GBE1: variants seen among roughly 807,000 people sequenced by gnomAD.
GBE1 encodes the protein 1,4-alpha-glucan-branching enzyme.
In GBE1, 70 loss-of-function variants were observed where a neutral mutation model predicts 88.8. The ratio of observed to expected loss-of-function variants is 0.79; its 90% confidence interval spans 0.65 to 0.96. The LOEUF is 0.96. Among genes scored for constraint, GBE1 ranks in the 40% least tolerant of loss-of-function variants. The pLI is 0.00. For synonymous variants in GBE1, 284 were observed against 300.1 expected (o/e 0.95, Z 0.56); for missense variants, 872 against 871.0 (o/e 1.00, Z -0.01).
chr3:81,645,821 T>C (rs1359236289), intron 6 of GBE1, among the ~76,000 whole-genome samples: 1 of 152,218 alleles, frequency 6.6e-6, no homozygotes, highest in Non-Finnish European at 1.5e-5. Flanking sequence ...TGAATGATGA[T>C]GGGAGCAATG....
At position 81,657,031 on chromosome 3, in the gene GBE1, C is replaced by T. The variant is rs1704948248; in HGVS notation, c.430-7110G>A. On this transcript the variant is annotated intron_variant, in intron 3 of 15. Transcript: ENST00000429644. ...ATTAGCCAGGCGTGGTAGCAGGTGC[C>T]TGTAGTTCCAGCTACTCGGGAGGCT... Among the ~76,000 whole-genome samples, 6 of 150,870 alleles carry T rather than the reference C, an allele frequency of 4.0e-5. No homozygotes were observed. The South Asian group carries it at 1.3e-3, about 32-fold the overall frequency.
rs564720664 is a variant in GBE1, at chr3:81,598,895, T to C, written c.993-4872A>G. On this transcript the variant is annotated intron_variant, in intron 7 of 15. Coordinates refer to ENST00000429644, the MANE Select transcript of GBE1 (RefSeq NM_000158.4). ...TTCTTTTCAATATCACATAATTTTC[T>C]GGATTTTATTCTGTGCAACTTTATT... 1.4e-3 allele frequency among the ~76,000 whole-genome samples: 210 copies of C among 152,150 alleles called. 2 individuals carry two copies. The highest frequency in any genetic ancestry group is 1.3e-3 in the Non-Finnish European group (85 of 67,940).
At chr3:81,581,485 T>TTGTG (rs148901178) in intron 10 of GBE1, among the ~76,000 whole-genome samples, 13 of 150,532 alleles carry the variant, frequency 8.6e-5, no homozygotes, top group Admixed American at 1.3e-4. Flanking sequence ...TAGAGTGTGT[T>TTGTG]TGTGTGTGTG....
At chr3:81,609,734 T>C (rs772148261) in intron 7 of GBE1, among the ~76,000 whole-genome samples, 7 of 152,204 alleles carry the variant, frequency 4.6e-5, no homozygotes, top group Admixed American at 1.3e-4. Context: ...TTTTGATTTA[T>C]ACCTTTACAA....
chr3:81,740,155 T>C (rs1258439673), intron 1 of GBE1, among the ~76,000 whole-genome samples: 2 of 151,848 alleles, frequency 1.3e-5, no homozygotes, highest in African/African-American at 4.8e-5. Flanking sequence ...AGCCTAGGAG[T>C]TCAAGGCTGC....
At chr3:81,663,675 G>A (rs1475058170) in intron 3 of GBE1, among the ~76,000 whole-genome samples, 1 of 152,150 alleles carries the variant, frequency 6.6e-6, no homozygotes, top group Non-Finnish European at 1.5e-5. Flanking sequence ...GTTAACACAA[G>A]CAGCATATAG....
At chr3:81,525,181 A>G (rs557765241) in intron 14 of GBE1, among the ~76,000 whole-genome samples, 1 of 151,852 alleles carries the variant, frequency 6.6e-6, no homozygotes, top group African/African-American at 2.4e-5. Flanking sequence ...GGCCTAACAT[A>G]TGGTCTATTT....
chr3:81,618,425 G>GA (rs1472411110), intron 7 of GBE1, among the ~76,000 whole-genome samples: 2 of 152,086 alleles, frequency 1.3e-5, no homozygotes, highest in Non-Finnish European at 2.9e-5. Flanking sequence ...TAGACACCAT[G>GA]AAAAAACTGT....
intron 7 of GBE1, among the ~76,000 whole-genome samples, chr3:81,619,843 G>C (rs911506839): frequency 1.3e-5 from 2 of 151,812 alleles, no homozygotes; most frequent in Non-Finnish European, 2.9e-5. Flanking sequence ...TTTAATGTGA[G>C]GAAACAAAAT....
chr3:81,631,579 C>CAA (rs562649713), intron 7 of GBE1, among the ~76,000 whole-genome samples: 21 of 139,644 alleles, frequency 1.5e-4, no homozygotes, highest in African/African-American at 3.6e-4. Flanking sequence ...TACTAAAATA[C>CAA]AAAAAAAAAA....
intron 1 of GBE1, among the ~76,000 whole-genome samples, chr3:81,750,613 A>ATACG: frequency 1.3e-5 from 1 of 76,470 alleles, no homozygotes; most frequent in African/African-American, 8.0e-5. Flanking sequence ...GTATATATAT[A>ATACG]TATGTATATA....
chr3:81,548,680 C>T (rs543592297), intron 12 of GBE1, among the ~76,000 whole-genome samples: 1 of 151,082 alleles, frequency 6.6e-6, no homozygotes, highest in South Asian at 2.1e-4. Flanking sequence ...TAATCAGTGA[C>T]AGGACTTTGA....
intron 14 of GBE1, among the ~76,000 whole-genome samples, chr3:81,533,982 G>T (rs1243656510): frequency 6.6e-6 from 1 of 151,980 alleles, no homozygotes; most frequent in African/African-American, 2.4e-5. Flanking sequence ...AGACGTTAGG[G>T]TTTTTATTAT....
At chr3:81,605,954 C>G (rs932383473) in intron 7 of GBE1, among the ~76,000 whole-genome samples, 1 of 152,168 alleles carries the variant, frequency 6.6e-6, no homozygotes, top group Non-Finnish European at 1.5e-5. Context: ...CATATGCCCA[C>G]ACAGCTGGCC....
chr3:81,612,537 C>A (rs534814897), intron 7 of GBE1: 6 of 859,336 alleles, frequency 7.0e-6, no homozygotes, highest in African/African-American at 6.6e-5. Context: ...CCAAGCAGTG[C>A]GAACACTGGT....
intron 1 of GBE1, among the ~76,000 whole-genome samples, chr3:81,727,021 TATGGGGTCCTG>T (rs148242696): frequency 4.1e-4 from 62 of 152,172 alleles, no homozygotes; most frequent in African/African-American, 1.4e-3. Flanking sequence ...TGGAGGAGGG[TATGGGGTCCTG>T]TTTCCTTTTG....
At chr3:81,545,836 T>G (rs1411296865) in intron 12 of GBE1, among the ~76,000 whole-genome samples, 1 of 152,178 alleles carries the variant, frequency 6.6e-6, no homozygotes, top group Non-Finnish European at 1.5e-5. Flanking sequence ...CCACTCCAGA[T>G]GTGAATCATC....
At chr3:81,594,656 C>A (rs1471397484) in intron 7 of GBE1, among the ~76,000 whole-genome samples, 2 of 151,710 alleles carry the variant, frequency 1.3e-5, no homozygotes, top group Non-Finnish European at 2.9e-5. Context: ...AAAAAGAAAA[C>A]CTAATTACCA....
intron 2 of GBE1, among the ~76,000 whole-genome samples, chr3:81,698,192 C>T (rs945363446): frequency 6.6e-6 from 1 of 151,578 alleles, no homozygotes; most frequent in African/African-American, 2.4e-5. Flanking sequence ...CTCCATGATC[C>T]AGCACAATTG....
Sources: gnomAD v4.1 joint callset for allele counts (sites outside exome capture counted in the v4.1 genomes callset) on GRCh38, gnomAD v4.1.1 for gene constraint, MANE v1.5 for transcripts, NCBI Gene and HGNC (gene_info 2026-07-23, HGNC 2026-07-21) for gene names.